DTWD2: variants seen among roughly 807,000 people sequenced by gnomAD.
DTWD2 encodes tRNA-uridine aminocarboxypropyltransferase 2.
In DTWD2, 39 loss-of-function variants were observed where a neutral mutation model predicts 31.8. The observed-to-expected ratio is 1.22, with a 90% CI of 0.95 to 1.60. DTWD2 has a LOEUF of 1.60. DTWD2 is among the 40% of genes most tolerant of loss of function. The pLI is 0.00. For missense variants in DTWD2, 515 were observed against 381.5 expected, an observed-to-expected ratio of 1.35 and a Z score of -2.92; for synonymous variants, 180 against 142.8, an observed-to-expected ratio of 1.26 and a Z score of -1.86.
chr5:118,922,180 A>G (rs1178861270), intron 4 of DTWD2, among the ~76,000 whole-genome samples: 25 of 152,194 alleles, frequency 1.6e-4, no homozygotes, highest in Admixed American at 1.5e-3. Context: ...AATGGTCTGG[A>G]TATATTAGAA....
chr5:118,944,467 TAAAGAGCTGGTAAGGATAAGTATG>T, intron 2 of DTWD2, 68 bp downstream of exon 2: 1 of 1,284,654 alleles, frequency 7.8e-7, no homozygotes, highest in Non-Finnish European at 1.1e-6. Flanking sequence ...TCAGAAATGC[TAAAGAGCTGGTAAGGATAAGTATG>T]TTTATCTTCG....
chr5:118,924,023 C>T (rs997389628), intron 4 of DTWD2, among the ~76,000 whole-genome samples: 1 of 152,178 alleles, frequency 6.6e-6, no homozygotes, highest in Non-Finnish European at 1.5e-5. Flanking sequence ...TCACACTAGT[C>T]AGAAGACACA....
intron 4 of DTWD2, among the ~76,000 whole-genome samples, chr5:118,867,117 A>T (rs1453931627): frequency 6.6e-6 from 1 of 152,146 alleles, no homozygotes; most frequent in Non-Finnish European, 1.5e-5. Context: ...TACATTAAAA[A>T]CTTACAGTTA....
chr5:118,841,982 A>G (rs1160892135), intron 5 of DTWD2, among the ~76,000 whole-genome samples: 1 of 152,210 alleles, frequency 6.6e-6, no homozygotes, highest in Non-Finnish European at 1.5e-5. Flanking sequence ...GTGAAAATGT[A>G]TTAACCCACA....
At chr5:118,958,359 G>C (rs1754634085) in intron 1 of DTWD2, among the ~76,000 whole-genome samples, 1 of 152,062 alleles carries the variant, frequency 6.6e-6, no homozygotes, top group South Asian at 2.1e-4. Context: ...TCCAGAGGCT[G>C]AGGCAGGAGA....
At chr5:118,970,388 C>T (rs114517254) in intron 1 of DTWD2, among the ~76,000 whole-genome samples, 4,028 of 152,154 alleles carry the variant, frequency 0.026, 183 homozygotes, top group African/African-American at 0.091. Flanking sequence ...GATTGCACCA[C>T]GGCACTCCAG....
intron 4 of DTWD2, among the ~76,000 whole-genome samples, chr5:118,855,198 A>G (rs1284627879): frequency 6.8e-6 from 1 of 146,464 alleles, no homozygotes; most frequent in Non-Finnish European, 1.5e-5. Flanking sequence ...TCATTTTCGG[A>G]CCTGTAACTT....
At chr5:118,954,466 C>A (rs968430496) in intron 1 of DTWD2, among the ~76,000 whole-genome samples, 1 of 152,134 alleles carries the variant, frequency 6.6e-6, no homozygotes, top group Non-Finnish European at 1.5e-5. Context: ...TGCTATATCC[C>A]CAGCACCTGG....
chr5:118,939,265 G>A lies in DTWD2; in HGVS notation c.335C>T (p.Pro112Leu). Residue 112 changes from proline (P) to leucine (L), a missense_variant, in exon 3 of 6, where the codon CCT becomes CTT. Pro to Leu is a moderately conservative substitution (Grantham distance 98). Coordinates refer to ENST00000510708, the MANE Select transcript of DTWD2 (RefSeq NM_173666.4). Reference protein sequence around the residue: ...AEENKVLRTVPLLAACLPQDK... With the variant: ...AEENKVLRTVLLLAACLPQDK... Reference sequence around the variant, plus strand: ...CTGGGGGAGGCATGCTGCTAGTAGAGGAACTGTACGCAACACTTTGTTTTC... The same window carrying A: ...CTGGGGGAGGCATGCTGCTAGTAGAAGAACTGTACGCAACACTTTGTTTTC... 3.1e-6 allele frequency: 5 copies of A among 1,596,304 alleles called. No individual in the cohort carries two copies. Among genetic ancestry groups the A allele is most frequent in the East Asian group, 2.3e-5 (1 of 43,946 alleles).
Position 118,839,994 on chromosome 5 carries a change from C to T in DTWD2, c.*923G>A, listed in dbSNP as rs1426763641. ...TCCCCTCTTCCTGCCAAAATGTGTA[C>T]ATAATTGCAGTAGACTTGTGCTGAA... On this transcript the variant is annotated 3_prime_UTR_variant, in exon 6 of 6. Transcript: ENST00000510708. 6 of 152,094 alleles carry T rather than the reference C, an allele frequency of 3.9e-5. No homozygotes were observed. The highest frequency in any genetic ancestry group is 2.1e-4 in the South Asian group (1 of 4,834). 9.4% of individuals were successfully genotyped at this position (152,094 alleles called of 1,614,324 possible). A position where few individuals can be genotyped will look rare whatever the true frequency, so the allele number is the denominator to read the frequency against.
intron 1 of DTWD2, among the ~76,000 whole-genome samples, chr5:118,973,429 A>G: frequency 6.6e-6 from 1 of 152,024 alleles, no homozygotes; most frequent in East Asian, 1.9e-4. Flanking sequence ...TTCCTTGAGG[A>G]GCTCTTGTAA....
intron 1 of DTWD2, among the ~76,000 whole-genome samples, chr5:118,948,871 G>A (rs1020650410): frequency 4.6e-5 from 7 of 152,096 alleles, no homozygotes; most frequent in African/African-American, 1.4e-4. Context: ...TTTATATAAC[G>A]GTTTAGTCAG....
chr5:118,933,393 G>T (rs1753969038), intron 3 of DTWD2, among the ~76,000 whole-genome samples: 1 of 152,092 alleles, frequency 6.6e-6, no homozygotes, highest in African/African-American at 2.4e-5. Flanking sequence ...TATCCCTTAT[G>T]AATATAAAGG....
intron 3 of DTWD2, among the ~76,000 whole-genome samples, chr5:118,936,308 G>C (rs541617163): frequency 6.6e-6 from 1 of 152,062 alleles, no homozygotes; most frequent in South Asian, 2.1e-4. Flanking sequence ...GAGGCCAAAG[G>C]GGGTAAGATA....
chr5:118,927,728 AAAG>A (rs1478297738), intron 4 of DTWD2, among the ~76,000 whole-genome samples: 1 of 151,970 alleles, frequency 6.6e-6, no homozygotes, highest in Admixed American at 6.5e-5. Flanking sequence ...GAAGAGTTTG[AAAG>A]AAGAATTTAA....
chr5:118,889,563 A>G (rs944926613), intron 4 of DTWD2, among the ~76,000 whole-genome samples: 14 of 152,162 alleles, frequency 9.2e-5, no homozygotes, highest in Non-Finnish European at 2.1e-4. Flanking sequence ...TAAATAAAAT[A>G]ATTTTGAAAA....
chr5:118,856,508 G>C (rs1011355303), intron 4 of DTWD2, among the ~76,000 whole-genome samples: 3 of 152,088 alleles, frequency 2.0e-5, no homozygotes, highest in Non-Finnish European at 4.4e-5. Flanking sequence ...ACACCCCTAG[G>C]AGTGGAACTG....
At chr5:118,852,346 A>G (rs1046454120) in intron 4 of DTWD2, among the ~76,000 whole-genome samples, 10 of 152,140 alleles carry the variant, frequency 6.6e-5, no homozygotes, top group African/African-American at 1.7e-4. Context: ...GCTTATGAAG[A>G]TAAGAGGATT....
intron 4 of DTWD2, among the ~76,000 whole-genome samples, chr5:118,902,124 T>C (rs891734988): frequency 3.9e-5 from 6 of 152,154 alleles, no homozygotes; most frequent in African/African-American, 1.2e-4. Flanking sequence ...TATCTAGTGA[T>C]CCTGAGAAAC....
Sources: gnomAD v4.1 joint callset for allele counts (sites outside exome capture counted in the v4.1 genomes callset) on GRCh38, gnomAD v4.1.1 for gene constraint, MANE v1.5 for transcripts, NCBI Gene and HGNC (gene_info 2026-07-23, HGNC 2026-07-21) for gene names.